Variants in NLK observed in about 807,000 individuals in gnomAD.
NLK encodes the protein serine/threonine-protein kinase NLK.
NLK carries 11 observed loss-of-function variants against 59.0 expected under a neutral mutation model. That is an observed-to-expected ratio of 0.19 (90% confidence interval 0.12 to 0.31). NLK has a LOEUF of 0.31. Among genes scored for constraint, NLK ranks in the 10% least tolerant of loss-of-function variants. The pLI is 1.00. For synonymous variants in NLK, 235 were observed against 235.9 expected, an observed-to-expected ratio of 1.00 and a Z score of 0.03; for missense variants, 410 against 661.1, an observed-to-expected ratio of 0.62 and a Z score of 4.16.
At chr17:28,163,698 T>C in intron 5 of NLK, 70 bp downstream of exon 5, 1 of 931,572 alleles carries the variant, frequency 1.1e-6, no homozygotes, top group East Asian at 2.6e-5. Flanking sequence ...AACAACATAT[T>C]TTTGTGAAAG....
the NLK span, among the ~76,000 whole-genome samples, chr17:28,204,230 T>A: frequency 5.3e-5 from 8 of 152,340 alleles, no homozygotes; most frequent in South Asian, 1.7e-3. Flanking sequence ...AACCCAGTCA[T>A]CCTAGCCCCA....
downstream of NLK, among the ~76,000 whole-genome samples, chr17:28,197,134 CACTT>C (rs1873848288): frequency 6.6e-6 from 1 of 152,120 alleles, no homozygotes; most frequent in Admixed American, 6.6e-5. Flanking sequence ...CCAGTTTTAT[CACTT>C]ACAAGAGAGC....
chr17:28,078,878 T>G (rs1194683417), intron 1 of NLK, among the ~76,000 whole-genome samples: 1 of 152,228 alleles, frequency 6.6e-6, no homozygotes, highest in African/African-American at 2.4e-5. Flanking sequence ...ATTGTACTCT[T>G]ATGGATTCTT....
chr17:28,062,964 T>C (rs1909714800), intron 1 of NLK, among the ~76,000 whole-genome samples: 1 of 152,210 alleles, frequency 6.6e-6, no homozygotes. Flanking sequence ...TTGAGACAGC[T>C]CTGTCGCCCA....
At chr17:28,100,095 G>A (rs1039964009) in intron 1 of NLK, among the ~76,000 whole-genome samples, 2 of 151,930 alleles carry the variant, frequency 1.3e-5, no homozygotes, top group African/African-American at 4.8e-5. Context: ...ATAGCTCTTG[G>A]GTAAATACCT....
At chr17:28,088,218 G>T (rs1904352540) in intron 1 of NLK, among the ~76,000 whole-genome samples, 1 of 152,152 alleles carries the variant, frequency 6.6e-6, no homozygotes, top group South Asian at 2.1e-4. Flanking sequence ...GGGTGGCTAT[G>T]ACTACTTCAT....
At chr17:28,198,634 AT>A (rs1025963401), downstream of NLK, among the ~76,000 whole-genome samples, 4 of 150,992 alleles carry the variant, frequency 2.6e-5, no homozygotes, top group South Asian at 6.3e-4. Flanking sequence ...CATCTTCACT[AT>A]TTTTTTTTCC....
chr17:28,137,228 C>T (rs571537719), intron 3 of NLK, among the ~76,000 whole-genome samples: 1 of 152,076 alleles, frequency 6.6e-6, no homozygotes, highest in East Asian at 1.9e-4. Context: ...AATAAGTGAT[C>T]CTGGAATTAT....
intron 1 of NLK, among the ~76,000 whole-genome samples, chr17:28,077,251 G>C (rs1276657468): frequency 6.6e-6 from 1 of 151,838 alleles, no homozygotes; most frequent in Non-Finnish European, 1.5e-5. Context: ...TGGACTTGCA[G>C]TTCCATGTGG....
chr17:28,122,544 A>C, intron 1 of NLK, 59 bp from the exon 2 acceptor site: 1 of 1,567,710 alleles, frequency 6.4e-7, no homozygotes, highest in African/African-American at 1.4e-5. Context: ...TTGGAAAACA[A>C]GGTGTGGAAC....
At chr17:28,168,979 A>G (rs1233180696) in intron 6 of NLK, among the ~76,000 whole-genome samples, 1 of 152,068 alleles carries the variant, frequency 6.6e-6, no homozygotes. Flanking sequence ...TCCACCTGCC[A>G]GGTTCAAGCG....
At chr17:28,182,615 C>T (rs1908954324) in intron 7 of NLK, among the ~76,000 whole-genome samples, 4 of 152,206 alleles carry the variant, frequency 2.6e-5, no homozygotes, top group Admixed American at 2.6e-4. Context: ...AGTAAAACTT[C>T]CTTCCAGTTT....
At chr17:28,128,618 A>G (rs1236111955) in intron 2 of NLK, among the ~76,000 whole-genome samples, 1 of 152,214 alleles carries the variant, frequency 6.6e-6, no homozygotes, top group African/African-American at 2.4e-5. Flanking sequence ...AACACTATGT[A>G]CCCAACAGAT....
At chr17:28,202,678 CT>C in the NLK span, among the ~76,000 whole-genome samples, 11 of 143,044 alleles carry the variant, frequency 7.7e-5, no homozygotes, top group East Asian at 8.0e-4. Context: ...ATTTCTTTTT[CT>C]TTTTTTTCTT....
At chr17:28,049,754 G>A (rs1308573671) in intron 1 of NLK, among the ~76,000 whole-genome samples, 2 of 152,192 alleles carry the variant, frequency 1.3e-5, no homozygotes, top group African/African-American at 2.4e-5. Context: ...AGGCCGAGGA[G>A]CGGTTCACCT....
At chr17:28,062,690 C>T (rs900239124) in intron 1 of NLK, among the ~76,000 whole-genome samples, 4 of 152,116 alleles carry the variant, frequency 2.6e-5, no homozygotes, top group Non-Finnish European at 2.9e-5. Flanking sequence ...AAGCGATTCT[C>T]CTGCCTCAGC....
intron 1 of NLK, chr17:28,116,210 T>G (rs1905762805): frequency 6.1e-6 from 1 of 162,614 alleles, no homozygotes; most frequent in African/African-American, 2.4e-5. Context: ...GTGGATGCCT[T>G]GGATAATTCA....
chr17:28,084,251 G>A (rs1365613866), intron 1 of NLK, among the ~76,000 whole-genome samples: 1 of 152,202 alleles, frequency 6.6e-6, no homozygotes, highest in Middle Eastern at 3.2e-3. Flanking sequence ...TTATTGTAAA[G>A]ATTAAATGAG....
chr17:28,044,302 A>G (rs1908978219), intron 1 of NLK, among the ~76,000 whole-genome samples: 1 of 152,184 alleles, frequency 6.6e-6, no homozygotes, highest in Admixed American at 6.5e-5. Context: ...TGCATTCAAA[A>G]ATTGTTACTC....
Sources: allele counts gnomAD v4.1 joint callset (sites outside exome capture counted in the v4.1 genomes callset), GRCh38; gene constraint gnomAD v4.1.1; transcripts MANE v1.5; gene names NCBI Gene and HGNC (gene_info 2026-07-23, HGNC 2026-07-21).